The following KCNAB2 variants were observed in gnomAD, a reference collection of about 807,000 sequenced individuals.
KCNAB2 encodes voltage-gated potassium channel subunit beta-2.
In KCNAB2, 29 loss-of-function variants were observed where a neutral mutation model predicts 63.6. That is an observed-to-expected ratio of 0.46 (90% CI 0.34 to 0.62). The LOEUF (loss-of-function observed/expected upper bound fraction) is 0.62, where lower values mean the gene tolerates loss of function less well. KCNAB2 is among the 20% of genes least tolerant of loss of function. The pLI is 0.01. For missense variants in KCNAB2, 359 were observed against 563.9 expected (o/e 0.64, Z 3.68); for synonymous variants, 222 against 224.2 (o/e 0.99, Z 0.09).
At position 6,098,413 on chromosome 1, in the gene KCNAB2, G is replaced by A. The variant is rs1021038157; in HGVS notation, c.1159-72G>A. The A allele has an allele frequency of 1.9e-6, 3 of 1,593,370 alleles. No individual in the cohort carries two copies. The African/African-American group carries it at 4.0e-5, about 21-fold the overall frequency. On this transcript the variant is annotated intron_variant, in intron 15 of 15. Coordinates refer to ENST00000378083, the MANE Select transcript of KCNAB2 (RefSeq NM_001199862.2). ...GCCAGCCGACCATCTGGAAGAGCCT[G>A]GCCCCACCTCCTCCCCAGGCCAGGC...
chr1:6,051,836 G>A (rs1661424190), intron 2 of KCNAB2, 82 bp downstream of exon 2: 3 of 1,408,544 alleles, frequency 2.1e-6, no homozygotes, highest in African/African-American at 1.4e-5. Context: ...GGGCACGGTG[G>A]TTCACACCTG....
In KCNAB2 at chr1:6,000,157, C is replaced by A. The variant is rs546464118; in HGVS notation, c.-53+7369C>A. Among the ~76,000 whole-genome samples, 32 of 152,184 alleles carry A rather than the reference C, an allele frequency of 2.1e-4. 1 individual carries two copies. The highest frequency in any genetic ancestry group is 7.5e-4 in the African/African-American group (31 of 41,452). ...TCTAGATAGATCCTGCAGCGCCTCC[C>A]GCCTCTGCTCAGCCAGCCCCCCGCA... On this transcript the variant is annotated intron_variant, in intron 1 of 16. Transcript: ENST00000341524.
chr1:6,022,301 G>C (rs1435408560), intron 1 of KCNAB2, among the ~76,000 whole-genome samples: 3 of 151,970 alleles, frequency 2.0e-5, no homozygotes, highest in African/African-American at 7.3e-5. Flanking sequence ...CAGTGGTACT[G>C]AGTGTATGGC....
intron 8 of KCNAB2, among the ~76,000 whole-genome samples, chr1:6,089,874 T>A (rs1665036085): frequency 6.6e-6 from 1 of 152,204 alleles, no homozygotes; most frequent in Non-Finnish European, 1.5e-5. Flanking sequence ...ATTTTTTTTG[T>A]ATTTTTAGTA....
chr1:6,068,057 G>A lies in KCNAB2; in HGVS notation c.219-4698G>A, dbSNP rs144737962. Among the ~76,000 whole-genome samples, 467 of 152,292 alleles carry A rather than the reference G, an allele frequency of 3.1e-3. 1 individual carries two copies. The highest frequency in any genetic ancestry group is 0.01 in the African/African-American group (422 of 41,548). On this transcript the variant is annotated intron_variant, in intron 2 of 15. Coordinates refer to ENST00000378083, the MANE Select transcript of KCNAB2 (RefSeq NM_001199862.2). Reference sequence around the variant, plus strand: ...AAAAAAATAAAGCTAGGAGTAAACCGAACATGTATATGTATATTTTTTGGT... The same window carrying A: ...AAAAAAATAAAGCTAGGAGTAAACCAAACATGTATATGTATATTTTTTGGT...
intron 1 of KCNAB2, among the ~76,000 whole-genome samples, chr1:6,015,879 A>AT (rs1315361105): frequency 2.0e-5 from 3 of 151,756 alleles, no homozygotes; most frequent in Non-Finnish European, 4.4e-5. Flanking sequence ...TAATTTTTGT[A>AT]TTTTTTTGTA....
rs1659011272 is a variant in KCNAB2, at chr1:6,024,242, G to A, written c.-52-16275G>A. 6.6e-6 allele frequency among the ~76,000 whole-genome samples: 1 copy of A among 152,000 alleles called. No individual in the cohort carries two copies. The highest frequency in any genetic ancestry group is 2.1e-4 in the South Asian group (1 of 4,824). ...CAGGCGTGAGACACCATGCCCAGCT[G>A]CCAGGCTAATTTTTAAATTTTTTGT... On this transcript the variant is annotated intron_variant, in intron 1 of 16. Coordinates refer to the KCNAB2 transcript ENST00000341524. This position sits in a 1 kb window ranked among gnomAD's most constrained non-coding sequence, Gnocchi z 5.4.
chr1:6,063,963 C>A (rs559503015), intron 2 of KCNAB2, among the ~76,000 whole-genome samples: 1 of 152,190 alleles, frequency 6.6e-6, no homozygotes. Flanking sequence ...CTGAAAGTCT[C>A]GTGAGTCTCC....
chr1:6,013,786 T>G (rs150693534), intron 1 of KCNAB2, among the ~76,000 whole-genome samples: 256 of 152,032 alleles, frequency 1.7e-3, no homozygotes, highest in Non-Finnish European at 2.7e-3. Flanking sequence ...CGGAGACTCC[T>G]GACGACACCC....
chr1:6,076,182 A>C (rs901245390), intron 4 of KCNAB2, among the ~76,000 whole-genome samples: 3 of 152,222 alleles, frequency 2.0e-5, no homozygotes, highest in Admixed American at 1.3e-4. Context: ...GCCCAGTTCT[A>C]TGCCATGCCA....
rs112751924 is a variant in KCNAB2, at chr1:6,078,781, G to A, written c.301-3414G>A. Among the ~76,000 whole-genome samples the A allele has an allele frequency of 7.9e-5, 12 of 152,302 alleles. No individual in the cohort carries two copies. The highest frequency in any genetic ancestry group is 6.2e-4 in the South Asian group (3 of 4,828). On this transcript the variant is annotated intron_variant, in intron 4 of 15. Transcript: ENST00000378083. This position sits in a 1 kb window ranked among gnomAD's most constrained non-coding sequence, Gnocchi z 4.2. ...ATGTCCCAGAGTTCAGCGTGTGCAC[G>A]ATCCCATGTACTCGGAAGGCACATC...
chr1:6,051,966 G>T (rs1347871321), intron 2 of KCNAB2, among the ~76,000 whole-genome samples: 1 of 152,156 alleles, frequency 6.6e-6, no homozygotes, highest in Non-Finnish European at 1.5e-5. Flanking sequence ...GCCAGGCATA[G>T]TGGGGCGCAC....
At chr1:6,018,396 T>C (rs1250855707) in intron 1 of KCNAB2, among the ~76,000 whole-genome samples, 1 of 152,118 alleles carries the variant, frequency 6.6e-6, no homozygotes, top group Non-Finnish European at 1.5e-5. Flanking sequence ...CCCCCAAGAT[T>C]GATAGCCCTA....
intron 2 of KCNAB2, among the ~76,000 whole-genome samples, chr1:6,065,824 C>T (rs990633978): frequency 7.2e-5 from 11 of 152,182 alleles, no homozygotes; most frequent in African/African-American, 2.2e-4. Context: ...CCTCCAGCCG[C>T]GCTTCCAGCA....
At chr1:6,095,914 C>A (rs1438359274) in intron 13 of KCNAB2, among the ~76,000 whole-genome samples, 4 of 137,956 alleles carry the variant, frequency 2.9e-5, no homozygotes, top group Non-Finnish European at 6.3e-5. Context: ...CCTACCACAT[C>A]CCCCACCTCT....
chr1:6,098,499 G>C lies in KCNAB2; in HGVS notation c.1173G>C (p.Leu391=). 1.2e-6 allele frequency: 2 copies of C among 1,613,944 alleles called. No individual in the cohort carries two copies. Among genetic ancestry groups the C allele is most frequent in the East Asian group, 2.2e-5 (1 of 44,874 alleles). The change falls in exon 16 of 16, where the codon CTG becomes CTC. Residue 391 remains leucine (L), a synonymous_variant. Coordinates refer to ENST00000378083, the MANE Select transcript of KCNAB2 (RefSeq NM_001199862.2). The part of the protein sequence containing the change: ...NIGAIQVLPK[L]SSSIIHEIDS... ...CTTGCACGCAGGTCCTTCCGAAACT[G>C]TCATCTTCCATTATCCACGAGATTG...
Position 6,100,076 on chromosome 1 carries a change from C to G in KCNAB2, c.*1502C>G, listed in dbSNP as rs1665931663. On this transcript the variant is annotated 3_prime_UTR_variant, in exon 16 of 16. Coordinates refer to ENST00000378083, the MANE Select transcript of KCNAB2 (RefSeq NM_001199862.2). ...GGGCGCACCCTCAGTGCAGGCACCT[C>G]TGTTCCCGCTTTGCCCCTGGAGGAG... is the stretch of plus-strand genomic sequence containing the variant. 2 of 1,461,146 alleles carry G rather than the reference C, an allele frequency of 1.4e-6. No individual in the cohort carries two copies. The highest frequency in any genetic ancestry group is 1.8e-6 in the Non-Finnish European group (2 of 1,104,610). 90.5% of individuals were successfully genotyped at this position (1,461,146 alleles called of 1,614,324 possible). A position where few individuals can be genotyped will look rare whatever the true frequency, so the allele number is the denominator to read the frequency against.
At chr1:6,006,716 T>C (rs12743450) in intron 1 of KCNAB2, among the ~76,000 whole-genome samples, 22,802 of 39,918 alleles carry the variant, frequency 0.57, 6,540 homozygotes, top group Middle Eastern at 0.67. Context: ...TCACCCTCAC[T>C]CCTCAGCTCA....
rs1657586454 is a variant in KCNAB2 at position 6,005,403 on chromosome 1, CTGAGGGGTGGGG to C, written c.-53+12616_-53+12627del. Among the ~76,000 whole-genome samples the C allele has an allele frequency of 1.8e-4, 16 of 86,816 alleles. 4 individuals are homozygous for C. The highest frequency in any genetic ancestry group is 3.5e-4 in the African/African-American group (6 of 17,262). 57.0% of individuals were successfully genotyped at this position (86,816 alleles called of 152,430 possible). A position where few individuals can be genotyped will look rare whatever the true frequency, so the allele number is the denominator to read the frequency against. The stretch of plus-strand genomic sequence containing the variant: ...TGAACTGGGGGATGTGGGAGCTGAG[CTGAGGGGTGGGG>C]GTGGAGTTGTGGGTTGTGTGAGCTG... On this transcript the variant is annotated intron_variant, in intron 1 of 16. Transcript: ENST00000341524.
Sources: allele counts gnomAD v4.1 joint callset (sites outside exome capture counted in the v4.1 genomes callset), GRCh38; gene constraint gnomAD v4.1.1; non-coding constraint Gnocchi (gnomAD v3.1); transcripts MANE v1.5; gene names NCBI Gene and HGNC (gene_info 2026-07-23, HGNC 2026-07-21).